Variants in STRN4 observed in about 807,000 individuals in gnomAD.
STRN4 encodes striatin-4.
In STRN4, 27 loss-of-function variants were observed where a neutral mutation model predicts 77.9. The observed-to-expected ratio is 0.35, with a 90% CI of 0.26 to 0.48. The LOEUF is 0.48. STRN4 is among the 20% of genes least tolerant of loss of function. The pLI is 0.99. For synonymous variants in STRN4, 466 were observed against 443.1 expected, an observed-to-expected ratio of 1.05 and a Z score of -0.65; for missense variants, 798 against 1,049.7, an observed-to-expected ratio of 0.76 and a Z score of 3.31.
At chr19:46,742,223 A>G (rs1030578246) in intron 1 of STRN4, among the ~76,000 whole-genome samples, 1 of 152,156 alleles carries the variant, frequency 6.6e-6, no homozygotes, top group Non-Finnish European at 1.5e-5. Flanking sequence ...ATGCCTGCTC[A>G]TTATCAGACT....
In STRN4 at chr19:46,727,553, A is replaced by G. The variant is rs774628596; in HGVS notation, c.1154-7T>C. The stretch of plus-strand genomic sequence containing the variant: ...GTGTCCATGATGAAGACGTCTGAGG[A>G]GAAGCCAAAGGAACCTGGTAGGGGG... On this transcript the variant is annotated splice_region_variant and splice_polypyrimidine_tract_variant and intron_variant, in intron 8 of 17. Transcript: ENST00000263280. 5.0e-6 allele frequency: 8 copies of G among 1,613,580 alleles called. No homozygotes were observed. The highest frequency in any genetic ancestry group is 6.8e-6 in the Non-Finnish European group (8 of 1,179,722).
At chr19:46,730,200 C>A (rs545126729) in intron 6 of STRN4, among the ~76,000 whole-genome samples, 54 of 152,238 alleles carry the variant, frequency 3.5e-4, no homozygotes, top group Admixed American at 1.8e-3. Context: ...CGGCTCCGTG[C>A]ACACCACTCT....
In STRN4 at chr19:46,738,835, C is replaced by T. The variant is rs2054420620; in HGVS notation, c.336G>A (p.Thr112=). ...GCATCTTGATCCGCCGCACCAGGTC[C>T]GTCTTTAGATTCTCCTGCCCTTTCC... ...GERKGQENLK[T]DLVRRIKMLE... is the part of the protein sequence containing the mutation. Residue 112 remains threonine (T), a synonymous_variant, in exon 2 of 18, where the codon ACG becomes ACA. Transcript: ENST00000263280. The surrounding 1 kb of genome is among the most constrained non-coding windows in gnomAD (Gnocchi z 4.5). 9 of 1,614,168 alleles carry T rather than the reference C, an allele frequency of 5.6e-6. No individual in the cohort carries two copies. The highest frequency in any genetic ancestry group is 7.6e-6 in the Non-Finnish European group (9 of 1,180,042).
chr19:46,731,040 G>T, intron 5 of STRN4, 167 bp from the exon 6 acceptor site: 3 of 918,298 alleles, frequency 3.3e-6, no homozygotes, highest in Non-Finnish European at 4.8e-6. Context: ...CCCAGCCTCT[G>T]CCCAACAAAT....
chr19:46,735,172 G>A (rs1039187096), intron 4 of STRN4, among the ~76,000 whole-genome samples: 1 of 152,032 alleles, frequency 6.6e-6, no homozygotes, highest in Non-Finnish European at 1.5e-5. Flanking sequence ...CAGGTGTGGT[G>A]GCACACACCT....
chr19:46,736,968 T>C lies in STRN4; in HGVS notation c.461-67A>G, dbSNP rs929075037. 4.5e-6 allele frequency: 7 copies of C among 1,539,300 alleles called. No homozygotes were observed. The East Asian group carries it at 7.0e-5, about 15-fold the overall frequency. The stretch of plus-strand genomic sequence containing the variant: ...TGCCACCTACCCATCACCTCCTCCA[T>C]CTTCCTCACCCCTCCAACCCAAATC... On this transcript the variant is annotated intron_variant, in intron 3 of 17. Coordinates refer to ENST00000263280, the MANE Select transcript of STRN4 (RefSeq NM_013403.3).
intron 1 of STRN4, among the ~76,000 whole-genome samples, chr19:46,745,270 C>T (rs544345661): frequency 6.6e-6 from 1 of 152,220 alleles, no homozygotes; most frequent in African/African-American, 2.4e-5. Context: ...CTCCTGCACA[C>T]CCCCAAAGTG....
Position 46,727,897 on chromosome 19 carries a change from CA to C in STRN4, c.1149del (p.His383GlnfsTer15). Reference protein sequence around the residue: ...PPPGTPQPRPHEDVFIMDTIG... With the variant: ...PPPGTPQPRPXEDVFIMDTIG... ...CCAGGTGGGGGGTGCCTCTTACCTT[CA>C]TGTGGCCGGGGCTGGGGTGTGCCAG... On this transcript the variant is annotated frameshift_variant, in exon 8 of 18. Coordinates refer to ENST00000263280, the MANE Select transcript of STRN4 (RefSeq NM_013403.3). LOFTEE classifies it high-confidence loss of function. 1.2e-6 allele frequency: 2 copies of C among 1,602,206 alleles called. No individual in the cohort carries two copies. Among genetic ancestry groups the C allele is most frequent in the Non-Finnish European group, 1.7e-6 (2 of 1,173,012 alleles).
chr19:46,736,957 C>G lies in STRN4; in HGVS notation c.461-56G>C. 25 of 1,574,128 alleles carry G rather than the reference C, an allele frequency of 1.6e-5. 1 individual carries two copies. In the South Asian group the frequency reaches 2.8e-4, roughly 18 times the overall value. The stretch of plus-strand genomic sequence containing the variant: ...AGTCAGGCCACTGCCACCTACCCAT[C>G]ACCTCCTCCATCTTCCTCACCCCTC... On this transcript the variant is annotated intron_variant, in intron 3 of 17. Transcript: ENST00000263280.
At chr19:46,729,668 G>A (rs1352538933) in intron 6 of STRN4, among the ~76,000 whole-genome samples, 1 of 152,204 alleles carries the variant, frequency 6.6e-6, no homozygotes, top group Admixed American at 6.5e-5. Flanking sequence ...AGTGGCAATT[G>A]TGCTCTGCCA....
At chr19:46,746,008 C>T (rs560100018) in intron 1 of STRN4, 141 bp downstream of exon 1, 2 of 1,111,076 alleles carry the variant, frequency 1.8e-6, no homozygotes, top group Non-Finnish European at 2.3e-6. Context: ...ACTCGCCCTC[C>T]GGGACCGTCG....
At position 46,738,678 on chromosome 19, in the gene STRN4, G is replaced by C; in HGVS notation, c.386+107C>G. On this transcript the variant is annotated intron_variant, in intron 2 of 17. Coordinates refer to ENST00000263280, the MANE Select transcript of STRN4 (RefSeq NM_013403.3). The surrounding 1 kb of genome is among the most constrained non-coding windows in gnomAD (Gnocchi z 4.5). The stretch of plus-strand genomic sequence containing the variant: ...TGGTACTGGAATGATGGAAAAGAAT[G>C]TCGACCCCAAATCTCCCTTAGCTGG... 1.9e-6 allele frequency: 2 copies of C among 1,035,292 alleles called. No individual in the cohort carries two copies. The highest frequency in any genetic ancestry group is 3.0e-6 in the Non-Finnish European group (2 of 667,116). 64.1% of individuals were successfully genotyped at this position (1,035,292 alleles called of 1,614,324 possible).
chr19:46,726,271 G>A (rs1292765588), intron 9 of STRN4: 2 of 152,954 alleles, frequency 1.3e-5, no homozygotes, highest in Non-Finnish European at 2.9e-5. Flanking sequence ...GAGAAACAAG[G>A]AGCCGGGGAA....
intron 3 of STRN4, among the ~76,000 whole-genome samples, chr19:46,737,865 C>T (rs1215921833): frequency 6.6e-6 from 1 of 152,166 alleles, no homozygotes; most frequent in Non-Finnish European, 1.5e-5. Context: ...CGCACCGTCC[C>T]CAGCACTCTA....
At chr19:46,727,390 C>T (rs1404443866) in intron 9 of STRN4, 62 bp downstream of exon 9, 8 of 1,431,170 alleles carry the variant, frequency 5.6e-6, no homozygotes, top group Admixed American at 1.9e-5. Context: ...TCAGAGCTTG[C>T]AGGGGCTGGC....
rs865996066 is a variant in STRN4, at chr19:46,746,163, G to A, written c.268C>T (p.Arg90Cys). 2.6e-6 allele frequency: 4 copies of A among 1,528,530 alleles called. No homozygotes were observed. Among genetic ancestry groups the A allele is most frequent in the Admixed American group, 1.9e-5 (1 of 51,634 alleles). 94.7% of individuals were successfully genotyped at this position (1,528,530 alleles called of 1,614,324 possible). A position where few individuals can be genotyped will look rare whatever the true frequency, so the allele number is the denominator to read the frequency against. Residue 90 changes from arginine to cysteine, a missense_variant, in exon 1 of 18, where the codon CGC becomes TGC. By Grantham distance (180) the Arg-to-Cys change is radical (BLOSUM62 -3). Around this residue, in one of 2 missense-constraint regions of STRN4, gnomAD observed 511 missense variants for 575.9 expected, o/e 0.89. Coordinates refer to ENST00000263280, the MANE Select transcript of STRN4 (RefSeq NM_013403.3). ...ACAGCGCTCACCTGTAACTCGGCGC[G>A]CTCGGCCTCCCAGCGGGCTTTCTCG... ...EAEKARWEAE[R>C]AELQAQVAFL... is the part of the protein sequence containing the mutation.
chr19:46,736,753 G>A (rs543317849), intron 4 of STRN4, 70 bp downstream of exon 4: 1 of 1,462,012 alleles, frequency 6.8e-7, no homozygotes, highest in East Asian at 2.3e-5. Context: ...AAGGACTGTG[G>A]AGTCTTTGGA....
intron 1 of STRN4, 52 bp downstream of exon 1, chr19:46,746,097 C>T: frequency 7.5e-7 from 1 of 1,327,812 alleles, no homozygotes; most frequent in Non-Finnish European, 9.7e-7. Flanking sequence ...GCGGGTGAGG[C>T]CGGGCCGGGC....
At chr19:46,737,706 G>A (rs2054396257) in intron 3 of STRN4, among the ~76,000 whole-genome samples, 1 of 152,138 alleles carries the variant, frequency 6.6e-6, no homozygotes, top group Admixed American at 6.6e-5. Context: ...GGACCAGAGG[G>A]TAGAGACCAT....
Sources: allele counts gnomAD v4.1 joint callset (sites outside exome capture counted in the v4.1 genomes callset), GRCh38; gene constraint gnomAD v4.1.1; regional missense constraint gnomAD v4.1.1; non-coding constraint Gnocchi (gnomAD v3.1); transcripts MANE v1.5; gene names NCBI Gene and HGNC (gene_info 2026-07-23, HGNC 2026-07-21).